MALRD1: variants seen among roughly 807,000 people sequenced by gnomAD.
MALRD1 encodes the protein MAM and LDL receptor class A domain containing 1.
Under a neutral mutation model 242.1 loss-of-function variants are expected in MALRD1, and 247 were observed. That is an observed-to-expected ratio of 1.02 (90% confidence interval 0.92 to 1.13). The LOEUF (loss-of-function observed/expected upper bound fraction) is 1.13. Among genes scored for constraint, MALRD1 ranks in the 50% most tolerant of loss-of-function variants. The pLI is 0.00. For synonymous variants in MALRD1, 995 were observed against 866.6 expected (o/e 1.15, Z -2.60); for missense variants, 2,989 against 2,533.1 (o/e 1.18, Z -3.86).
Position 19,615,915 on chromosome 10 carries a change from T to A in MALRD1, c.6129T>A (p.Pro2043=). The part of the protein sequence containing the change: ...GGTCVVEKNG[P]MCRCRQGWKG... ...CTTGTGTAGTGGAGAAAAATGGTCCTATGTGTCGGTAAGAAGCATTGTTTA... is the reference window on the plus strand; with the variant it reads ...CTTGTGTAGTGGAGAAAAATGGTCCAATGTGTCGGTAAGAAGCATTGTTTA... The change falls in exon 36 of 40, where the codon CCT becomes CCA. Residue 2043 remains proline, a synonymous_variant. Transcript: ENST00000454679. 6.5e-7 allele frequency: 1 copy of A among 1,528,374 alleles called. No homozygotes were observed. The highest frequency in any genetic ancestry group is 8.7e-7 in the Non-Finnish European group (1 of 1,143,240). The allele number at this position is 1,528,374 out of a possible 1,614,324, so 94.7% of individuals were successfully genotyped here.
At chr10:19,469,316 T>A (rs1285684515) in intron 29 of MALRD1, among the ~76,000 whole-genome samples, 1 of 152,196 alleles carries the variant, frequency 6.6e-6, no homozygotes, top group African/African-American at 2.4e-5. Flanking sequence ...TCTCTTCTGC[T>A]AGAGGAAGTC....
intron 31 of MALRD1, among the ~76,000 whole-genome samples, chr10:19,520,986 G>A (rs1833856007): frequency 1.3e-5 from 2 of 152,090 alleles, no homozygotes. Flanking sequence ...CTTAACAAAT[G>A]TTTCAAGCAC....
At position 19,069,830 on chromosome 10, in the gene MALRD1, C is replaced by T. The variant is rs183129797; in HGVS notation, c.340+2971C>T. 8.6e-5 allele frequency among the ~76,000 whole-genome samples: 13 copies of T among 151,758 alleles called. No individual in the cohort carries two copies. In the East Asian group the frequency reaches 9.7e-4, roughly 11 times the overall value. On this transcript the variant is annotated intron_variant, in intron 2 of 39. Coordinates refer to ENST00000454679, the MANE Select transcript of MALRD1 (RefSeq NM_001142308.3). ...CGGTCTTTATTTTTGGATTTCAGCA[C>T]GAACATTTTAAATTTTATCGTACTT...
At chr10:19,384,396 TA>T (rs1340791271) in intron 26 of MALRD1, among the ~76,000 whole-genome samples, 1 of 80,444 alleles carries the variant, frequency 1.2e-5, no homozygotes, top group Non-Finnish European at 2.3e-5. Flanking sequence ...ATATATTATA[TA>T]TTATATAGTA....
intron 35 of MALRD1, among the ~76,000 whole-genome samples, chr10:19,614,359 A>G (rs1839039823): frequency 6.6e-6 from 1 of 152,196 alleles, no homozygotes; most frequent in Non-Finnish European, 1.5e-5. Context: ...GACATTTTAT[A>G]GGGACTCAGA....
chr10:19,079,438 C>A (rs1454739202), intron 2 of MALRD1, among the ~76,000 whole-genome samples: 2 of 151,820 alleles, frequency 1.3e-5, no homozygotes, highest in Non-Finnish European at 2.9e-5. Flanking sequence ...AGTTTAGAAG[C>A]ATGTGCATTC....
chr10:19,306,278 AC>A (rs1458437917), intron 21 of MALRD1, among the ~76,000 whole-genome samples: 5 of 137,754 alleles, frequency 3.6e-5, no homozygotes, highest in Non-Finnish European at 6.2e-5. Context: ...TACTATATAT[AC>A]CGTATATAGT....
At chr10:19,197,858 G>A (rs1207259759) in intron 14 of MALRD1, among the ~76,000 whole-genome samples, 1 of 152,120 alleles carries the variant, frequency 6.6e-6, no homozygotes, top group Non-Finnish European at 1.5e-5. Flanking sequence ...TGAGGACAGA[G>A]GTTTTCTTTC....
At chr10:19,491,749 A>C in intron 30 of MALRD1, 104 bp downstream of exon 30, 1 of 1,295,428 alleles carries the variant, frequency 7.7e-7, no homozygotes, top group Non-Finnish European at 1.0e-6. Flanking sequence ...TATTATTTTC[A>C]TGCACTAGAG....
rs990603140 is a variant in MALRD1 at position 19,279,920 on chromosome 10, T to G, written c.3080-127T>G. On this transcript the variant is annotated intron_variant, in intron 19 of 39. Transcript: ENST00000454679. The stretch of plus-strand genomic sequence containing the variant: ...CTCGATTTTATTTTAGCAGAGTAGC[T>G]GATACTACCCACTGTTCTCTATGAT... 6.3e-6 allele frequency: 4 copies of G among 636,518 alleles called. No homozygotes were observed. The African/African-American group carries it at 7.5e-5, about 12-fold the overall frequency. The allele number at this position is 636,518 out of a possible 1,614,324, so 39.4% of individuals were successfully genotyped here.
chr10:19,402,716 A>T (rs992334170), intron 28 of MALRD1, among the ~76,000 whole-genome samples: 1 of 152,138 alleles, frequency 6.6e-6, no homozygotes, highest in Non-Finnish European at 1.5e-5. Context: ...TTATTAATAC[A>T]CATGTGTCTT....
At chr10:19,479,954 G>C (rs761167861) in intron 29 of MALRD1, among the ~76,000 whole-genome samples, 7 of 152,138 alleles carry the variant, frequency 4.6e-5, no homozygotes, top group Non-Finnish European at 1.0e-4. Flanking sequence ...TTAGAACTCA[G>C]CCTCATGATC....
intron 33 of MALRD1, among the ~76,000 whole-genome samples, chr10:19,592,090 C>T (rs1837818194): frequency 6.6e-6 from 1 of 152,132 alleles, no homozygotes. Flanking sequence ...ATCTGAGGGG[C>T]AATTCAGAGG....
chr10:19,260,736 A>G (rs1299861420), intron 19 of MALRD1, among the ~76,000 whole-genome samples: 1 of 152,122 alleles, frequency 6.6e-6, no homozygotes, highest in Non-Finnish European at 1.5e-5. Flanking sequence ...GGGCAGGATT[A>G]ATGCCTTTAT....
chr10:19,320,974 C>G (rs768443453), intron 21 of MALRD1, among the ~76,000 whole-genome samples: 59 of 151,706 alleles, frequency 3.9e-4, no homozygotes, highest in Non-Finnish European at 7.7e-4. Context: ...GATATTAGAA[C>G]TTTGTCAGAT....
At chr10:19,131,447 T>A (rs1564411950) in intron 8 of MALRD1, among the ~76,000 whole-genome samples, 1 of 152,170 alleles carries the variant, frequency 6.6e-6, no homozygotes. Context: ...TTGTACCATC[T>A]AACCATTATT....
chr10:19,558,217 A>T (rs1835811526), intron 32 of MALRD1, among the ~76,000 whole-genome samples: 1 of 152,080 alleles, frequency 6.6e-6, no homozygotes, highest in Non-Finnish European at 1.5e-5. Flanking sequence ...TTTCTCAATT[A>T]GTATGCTTTT....
intron 19 of MALRD1, among the ~76,000 whole-genome samples, chr10:19,278,970 C>T (rs888517496): frequency 6.6e-6 from 1 of 152,158 alleles, no homozygotes; most frequent in Non-Finnish European, 1.5e-5. Flanking sequence ...GGACGATTCA[C>T]CACCAAACTG....
intron 29 of MALRD1, among the ~76,000 whole-genome samples, chr10:19,485,547 G>C (rs1387774557): frequency 1.3e-5 from 2 of 151,798 alleles, no homozygotes; most frequent in Admixed American, 6.6e-5. Context: ...GGAGGCTGAG[G>C]CAGGAGAATG....
Sources: gnomAD v4.1 joint callset for allele counts (sites outside exome capture counted in the v4.1 genomes callset) on GRCh38, gnomAD v4.1.1 for gene constraint, MANE v1.5 for transcripts, NCBI Gene and HGNC (gene_info 2026-07-23, HGNC 2026-07-21) for gene names.